NXPH1: variants seen among roughly 807,000 people sequenced by gnomAD.
NXPH1 encodes neurexophilin-1.
NXPH1 carries 5 observed loss-of-function variants against 23.7 expected under a neutral mutation model. The ratio of observed to expected loss-of-function variants is 0.21; its 90% CI spans 0.11 to 0.44. The LOEUF (loss-of-function observed/expected upper bound fraction) is 0.44, where lower values mean the gene tolerates loss of function less well. Among genes scored for constraint, NXPH1 ranks in the 20% least tolerant of loss-of-function variants. The probability of loss-of-function intolerance (pLI) is 0.99; values close to 1 mark genes in which losing one functional copy is unlikely to be tolerated. For missense variants in NXPH1, 324 were observed against 321.6 expected, an observed-to-expected ratio of 1.01 and a Z score of -0.06; for synonymous variants, 144 against 122.2, an observed-to-expected ratio of 1.18 and a Z score of -1.18.
intron 2 of NXPH1, among the ~76,000 whole-genome samples, chr7:8,728,649 T>A (rs1227659489): frequency 6.6e-6 from 1 of 151,374 alleles, no homozygotes; most frequent in Non-Finnish European, 1.5e-5. Context: ...ATTTATTGAT[T>A]TGCGTATATT....
chr7:8,718,733 T>C (rs1779917379), intron 2 of NXPH1, among the ~76,000 whole-genome samples: 1 of 152,206 alleles, frequency 6.6e-6, no homozygotes, highest in Non-Finnish European at 1.5e-5. Context: ...CTCCAGGAAG[T>C]AGGGGGAAAA....
chr7:8,448,767 A>G (rs1159687630), intron 2 of NXPH1, among the ~76,000 whole-genome samples: 1 of 144,448 alleles, frequency 6.9e-6, no homozygotes, highest in Non-Finnish European at 1.5e-5. Flanking sequence ...ATGAGCTGAG[A>G]TTGTGCCACT....
intron 2 of NXPH1, among the ~76,000 whole-genome samples, chr7:8,710,634 T>A (rs915416886): frequency 3.6e-5 from 5 of 139,504 alleles, no homozygotes; most frequent in African/African-American, 1.3e-4. Context: ...GCATGTCAAC[T>A]GTTACGTTTT....
chr7:8,670,552 G>T (rs990528171), intron 2 of NXPH1, among the ~76,000 whole-genome samples: 5 of 151,188 alleles, frequency 3.3e-5, no homozygotes, highest in African/African-American at 1.2e-4. Flanking sequence ...AAGTCCTTTT[G>T]TCCCCTCCCT....
intron 2 of NXPH1, among the ~76,000 whole-genome samples, chr7:8,622,556 T>C (rs1223277975): frequency 6.6e-6 from 1 of 152,174 alleles, no homozygotes; most frequent in East Asian, 1.9e-4. Flanking sequence ...CTAGTGAGTG[T>C]GAAAAGCCTA....
chr7:8,746,848 T>C (rs1780478314), intron 2 of NXPH1, among the ~76,000 whole-genome samples: 1 of 144,194 alleles, frequency 6.9e-6, no homozygotes, highest in South Asian at 2.3e-4. Context: ...TCTCCCCCGC[T>C]TTCCCCCACA....
intron 2 of NXPH1, among the ~76,000 whole-genome samples, chr7:8,711,002 G>A (rs1345751269): frequency 1.3e-5 from 2 of 152,306 alleles, no homozygotes; most frequent in East Asian, 3.9e-4. Context: ...GTATTCCATG[G>A]AAAGTAGATT....
rs192660890 is a variant in NXPH1 at position 8,519,837 on chromosome 7, C to T, written c.54+84070C>T. ...ATATACACATACATATATTTATACA[C>T]ATGTATACATACAAATACATGTATA... On this transcript the variant is annotated intron_variant, in intron 2 of 2. Transcript: ENST00000405863. Among the ~76,000 whole-genome samples the T allele has an allele frequency of 7.2e-5, 11 of 152,176 alleles. No individual in the cohort carries two copies. The East Asian group carries it at 2.1e-3, about 29-fold the overall frequency.
At chr7:8,555,539 T>C (rs1204180132) in intron 2 of NXPH1, among the ~76,000 whole-genome samples, 1 of 151,622 alleles carries the variant, frequency 6.6e-6, no homozygotes, top group African/African-American at 2.4e-5. Flanking sequence ...CTTTGAGGGC[T>C]GGAGAGGAGG....
At chr7:8,731,104 C>T (rs1780145748) in intron 2 of NXPH1, among the ~76,000 whole-genome samples, 1 of 151,880 alleles carries the variant, frequency 6.6e-6, no homozygotes, top group East Asian at 1.9e-4. Flanking sequence ...TCTTCTATCA[C>T]TGATACCCTT....
At chr7:8,637,144 C>T (rs1009417301) in intron 2 of NXPH1, among the ~76,000 whole-genome samples, 2 of 152,002 alleles carry the variant, frequency 1.3e-5, no homozygotes, top group African/African-American at 4.8e-5. Flanking sequence ...ATGGCAGGAC[C>T]TTTGTCTTTT....
chr7:8,497,814 G>T (rs1449854950), intron 2 of NXPH1, among the ~76,000 whole-genome samples: 2 of 152,080 alleles, frequency 1.3e-5, no homozygotes, highest in African/African-American at 4.8e-5. Flanking sequence ...TCTGTAGGTT[G>T]CCTGTTCACT....
Position 8,665,902 on chromosome 7 carries a change from GTTTTTTTTTCTTTTTCTTTTT to G in NXPH1, c.55-85096_55-85076del, listed in dbSNP as rs1161827294. ...TGAATTGATTTATTAGTTCTAAGAG[GTTTTTTTTTCTTTTTCTTTTT>G]TTTTTTTTTTTGAAGGAGTCTTTGG... On this transcript the variant is annotated intron_variant, in intron 2 of 2. Transcript: ENST00000405863. Among the ~76,000 whole-genome samples, 8 of 73,978 alleles carry G rather than the reference GTTTTTTTTTCTTTTTCTTTTT, an allele frequency of 1.1e-4. 1 individual carries two copies. Among genetic ancestry groups the G allele is most frequent in the East Asian group, 5.4e-4 (1 of 1,860 alleles). The allele number at this position is 73,978 out of a possible 152,430, so 48.5% of individuals were successfully genotyped here. A position where few individuals can be genotyped will look rare whatever the true frequency, so the allele number is the denominator to read the frequency against.
intron 2 of NXPH1, among the ~76,000 whole-genome samples, chr7:8,690,552 T>C (rs1389151048): frequency 6.6e-6 from 1 of 152,188 alleles, no homozygotes; most frequent in African/African-American, 2.4e-5. Context: ...ATTAATGATA[T>C]CAACAAACAT....
chr7:8,550,671 A>G (rs573947329), intron 2 of NXPH1, among the ~76,000 whole-genome samples: 3 of 151,770 alleles, frequency 2.0e-5, no homozygotes, highest in East Asian at 3.9e-4. Flanking sequence ...CCCACCATTC[A>G]GAAACTATCA....
intron 2 of NXPH1, among the ~76,000 whole-genome samples, chr7:8,586,679 A>G (rs760272595): frequency 8.6e-5 from 13 of 151,972 alleles, no homozygotes; most frequent in Non-Finnish European, 1.6e-4. Flanking sequence ...GAAACTTCAC[A>G]TACTGTAAGT....
At chr7:8,746,976 A>G (rs1415539681) in intron 2 of NXPH1, among the ~76,000 whole-genome samples, 1 of 152,086 alleles carries the variant, frequency 6.6e-6, no homozygotes, top group African/African-American at 2.4e-5. Flanking sequence ...TACATAAAAT[A>G]TTATGTAGTG....
At chr7:8,607,467 T>A (rs1216377700) in intron 2 of NXPH1, among the ~76,000 whole-genome samples, 1 of 152,210 alleles carries the variant, frequency 6.6e-6, no homozygotes, top group African/African-American at 2.4e-5. Flanking sequence ...TAGTTGATCA[T>A]GTTATCAGTA....
intron 2 of NXPH1, among the ~76,000 whole-genome samples, chr7:8,497,534 A>G (rs1297543256): frequency 6.6e-6 from 1 of 152,046 alleles, no homozygotes; most frequent in East Asian, 1.9e-4. Context: ...TTGTTTCCTG[A>G]CTTTTTAATG....
Sources: gnomAD v4.1 joint callset for allele counts (sites outside exome capture counted in the v4.1 genomes callset) on GRCh38, gnomAD v4.1.1 for gene constraint, MANE v1.5 for transcripts, NCBI Gene and HGNC (gene_info 2026-07-23, HGNC 2026-07-21) for gene names.